Variants in PDE4D observed in about 807,000 individuals in gnomAD.
The protein encoded by PDE4D is phosphodiesterase 4D, also known as 3',5'-cyclic-AMP phosphodiesterase 4D.
PDE4D carries 24 observed loss-of-function variants against 87.4 expected under a neutral mutation model. The ratio of observed to expected loss-of-function variants is 0.27; its 90% confidence interval spans 0.20 to 0.39. The LOEUF is 0.39. Among genes scored for constraint, PDE4D ranks in the 10% least tolerant of loss-of-function variants. The probability of loss-of-function intolerance (pLI) is 1.00; values close to 1 mark genes in which losing one functional copy is unlikely to be tolerated. For synonymous variants in PDE4D, 384 were observed against 383.2 expected, an observed-to-expected ratio of 1.00 and a Z score of -0.02; for missense variants, 714 against 1,041.0, an observed-to-expected ratio of 0.69 and a Z score of 4.32.
At chr5:59,738,378 A>T (rs967351324) in intron 1 of PDE4D, among the ~76,000 whole-genome samples, 59 of 152,318 alleles carry the variant, frequency 3.9e-4, no homozygotes, top group Middle Eastern at 3.4e-3. Context: ...AATAGGACAG[A>T]GAAAAGTGGT....
chr5:60,131,646 G>A (rs577900602), intron 2 of PDE4D, among the ~76,000 whole-genome samples: 25 of 152,308 alleles, frequency 1.6e-4, no homozygotes, highest in South Asian at 6.2e-4. Context: ...TGCAGAAGCA[G>A]AGCTGATCAA....
At chr5:59,188,652 G>T (rs914384795) in intron 3 of PDE4D, among the ~76,000 whole-genome samples, 1 of 152,164 alleles carries the variant, frequency 6.6e-6, no homozygotes, top group African/African-American at 2.4e-5. Context: ...TGAGGTTGAG[G>T]TGCCACTGGC....
intron 3 of PDE4D, among the ~76,000 whole-genome samples, chr5:59,963,562 A>ACAGATTCCTTATC (rs113058201): frequency 0.86 from 130,808 of 151,838 alleles, 56,413 homozygotes; most frequent in East Asian, 0.97. Flanking sequence ...CTTCTGAAGC[A>ACAGATTCCTTATC]CTAAGTTAAC....
intron 1 of PDE4D, among the ~76,000 whole-genome samples, chr5:59,245,994 A>C (rs1447150891): frequency 6.6e-6 from 1 of 150,596 alleles, no homozygotes; most frequent in Non-Finnish European, 1.5e-5. Context: ...TGTGTGATGA[A>C]ATATACATAT....
At chr5:59,869,615 C>G (rs16890333) in intron 1 of PDE4D, among the ~76,000 whole-genome samples, 3,921 of 152,168 alleles carry the variant, frequency 0.026, 167 homozygotes, top group African/African-American at 0.09. Flanking sequence ...GATGAGGTGG[C>G]CTTGCATCTA....
chr5:59,324,899 C>A (rs575675738), intron 1 of PDE4D, among the ~76,000 whole-genome samples: 1 of 152,196 alleles, frequency 6.6e-6, no homozygotes, highest in South Asian at 2.1e-4. Context: ...TGCAAAGGAA[C>A]TAAGAACTAA....
chr5:60,251,604 T>C (rs1748465838), intron 1 of PDE4D, among the ~76,000 whole-genome samples: 1 of 151,932 alleles, frequency 6.6e-6, no homozygotes, highest in South Asian at 2.1e-4. Flanking sequence ...TTATCCAATC[T>C]ACTATTATCG....
chr5:59,029,435 A>AC (rs1304153276), intron 6 of PDE4D, among the ~76,000 whole-genome samples: 10 of 151,482 alleles, frequency 6.6e-5, no homozygotes, highest in African/African-American at 2.2e-4. Flanking sequence ...AAAAAAAAAA[A>AC]AACTTAGGAG....
chr5:59,367,078 A>G (rs1432774271), intron 1 of PDE4D, among the ~76,000 whole-genome samples: 2 of 152,216 alleles, frequency 1.3e-5, no homozygotes, highest in Admixed American at 6.5e-5. Flanking sequence ...GAGCTGTGGA[A>G]AATCTCAGAT....
At chr5:60,109,340 T>C (rs1392460135) in intron 2 of PDE4D, among the ~76,000 whole-genome samples, 1 of 151,918 alleles carries the variant, frequency 6.6e-6, no homozygotes, top group East Asian at 1.9e-4. Flanking sequence ...AGAAAGGCAA[T>C]CATTAAAAAG....
At chr5:59,809,126 G>T (rs2152676457) in intron 1 of PDE4D, among the ~76,000 whole-genome samples, 1 of 152,318 alleles carries the variant, frequency 6.6e-6, no homozygotes. Flanking sequence ...CCGTGCCTTA[G>T]TTGGCGCCTC....
intron 1 of PDE4D, among the ~76,000 whole-genome samples, chr5:59,622,259 G>A (rs1441329113): frequency 6.6e-6 from 1 of 151,996 alleles, no homozygotes; most frequent in Non-Finnish European, 1.5e-5. Context: ...TATTTTAAGA[G>A]GAAAATATAA....
chr5:59,870,306 T>C (rs761285676), intron 1 of PDE4D, among the ~76,000 whole-genome samples: 26 of 152,214 alleles, frequency 1.7e-4, no homozygotes, highest in Middle Eastern at 3.2e-3. Flanking sequence ...ATTTTGCTCA[T>C]ACCAAATCAA....
chr5:59,037,956 T>C (rs928593864), intron 6 of PDE4D, among the ~76,000 whole-genome samples: 3 of 152,300 alleles, frequency 2.0e-5, no homozygotes, highest in Non-Finnish European at 4.4e-5. Flanking sequence ...ACGAGGCAAC[T>C]ATTACTAATT....
chr5:59,722,383 A>T (rs1755971814), intron 1 of PDE4D, among the ~76,000 whole-genome samples: 1 of 152,214 alleles, frequency 6.6e-6, no homozygotes, highest in South Asian at 2.1e-4. Context: ...AGGCTGAATA[A>T]AAAGTCAAAG....
intron 1 of PDE4D, among the ~76,000 whole-genome samples, chr5:59,414,926 A>T (rs1793342511): frequency 6.6e-6 from 1 of 152,196 alleles, no homozygotes; most frequent in African/African-American, 2.4e-5. Flanking sequence ...TTTATGCTGG[A>T]AGTGACGGGC....
chr5:59,471,181 G>A (rs1802384322), intron 1 of PDE4D, among the ~76,000 whole-genome samples: 1 of 152,126 alleles, frequency 6.6e-6, no homozygotes, highest in Non-Finnish European at 1.5e-5. Flanking sequence ...GGAAGTCAAG[G>A]CTACAGTGAG....
chr5:59,764,518 G>T (rs1561622270), intron 1 of PDE4D, among the ~76,000 whole-genome samples: 1 of 152,144 alleles, frequency 6.6e-6, no homozygotes, highest in Non-Finnish European at 1.5e-5. Flanking sequence ...AGCACCTAGA[G>T]TATGCTGTCA....
intron 11 of PDE4D, 44 bp downstream of exon 11, chr5:58,988,449 T>C (rs757416761): frequency 1.3e-6 from 1 of 796,028 alleles, no homozygotes; most frequent in Non-Finnish European, 1.9e-6. Context: ...CATTCTAAAA[T>C]GTACAAGGGA....
Sources: gnomAD v4.1 joint callset for allele counts (sites outside exome capture counted in the v4.1 genomes callset) on GRCh38, gnomAD v4.1.1 for gene constraint, MANE v1.5 for transcripts, NCBI Gene and HGNC (gene_info 2026-07-23, HGNC 2026-07-21) for gene names.